The following CCDC150 variants were observed in gnomAD, a reference collection of about 807,000 sequenced individuals.
The protein encoded by CCDC150 is coiled-coil domain containing 150.
Under a neutral mutation model 156.5 loss-of-function variants are expected in CCDC150, and 151 were observed. The observed-to-expected ratio is 0.97, with a 90% CI of 0.85 to 1.10. The LOEUF is 1.10. Among genes scored for constraint, CCDC150 ranks in the 50% least tolerant of loss-of-function variants. The pLI is 0.00. For missense variants in CCDC150, 1,312 were observed against 1,268.1 expected (o/e 1.03, Z -0.53); for synonymous variants, 452 against 429.4 (o/e 1.05, Z -0.65).
chr2:196,721,353 C>CATATATATATATAT lies in CCDC150; in HGVS notation c.2260-166_2260-153dup, dbSNP rs1199770615. ...GAGTTCTCATTCATATATGTGTGTG[C>CATATATATATATAT]ATATATATATATATATTTTCCAGGC... On this transcript the variant is annotated intron_variant, in intron 20 of 27. Transcript: ENST00000389175. 2.1e-4 allele frequency among the ~76,000 whole-genome samples: 28 copies of CATATATATATATAT among 133,166 alleles called. 5 individuals are homozygous for CATATATATATATAT. The East Asian group carries it at 2.7e-3, about 13-fold the overall frequency. The allele number at this position is 133,166 out of a possible 152,430, so 87.4% of individuals were successfully genotyped here.
At chr2:196,706,632 T>C (rs1696664661) in intron 15 of CCDC150, among the ~76,000 whole-genome samples, 1 of 152,256 alleles carries the variant, frequency 6.6e-6, no homozygotes, top group Non-Finnish European at 1.5e-5. Context: ...CCATTCAGTA[T>C]GATATTGGCT....
rs562654315 is a variant in CCDC150 at position 196,703,302 on chromosome 2, C to T, written c.1695+2122C>T. The stretch of plus-strand genomic sequence containing the variant: ...AATAGCAGGCCATCTAAAAGGTAGT[C>T]GATAAGCCATGCTTGCGGAACAATA... On this transcript the variant is annotated intron_variant, in intron 15 of 27. Transcript: ENST00000389175. Among the ~76,000 whole-genome samples, 311 of 152,132 alleles carry T rather than the reference C, an allele frequency of 2.0e-3. 3 individuals are homozygous for T. The highest frequency in any genetic ancestry group is 0.018 in the Admixed American group (273 of 15,280).
rs187124338 is a variant in CCDC150, at chr2:196,646,255, A to G, written c.13-86A>G. The G allele has an allele frequency of 5.4e-5, 68 of 1,257,100 alleles. No individual in the cohort carries two copies. In the African/African-American group the frequency reaches 9.8e-4, roughly 18 times the overall value. 77.9% of individuals were successfully genotyped at this position (1,257,100 alleles called of 1,614,324 possible). On this transcript the variant is annotated intron_variant, in intron 1 of 27. Transcript: ENST00000389175. ...CATTCCTGAGTTCAACAGGACAGTG[A>G]TGCCTAATCCTGGCACAGGAATGGC...
At chr2:196,675,161 T>C (rs1444560882) in intron 10 of CCDC150, among the ~76,000 whole-genome samples, 1 of 152,118 alleles carries the variant, frequency 6.6e-6, no homozygotes, top group Non-Finnish European at 1.5e-5. Flanking sequence ...CACTGTGAGC[T>C]CTCTAGAGGC....
chr2:196,719,672 T>C lies in CCDC150; in HGVS notation c.2165+6T>C. 1 of 1,594,734 alleles carries C rather than the reference T, an allele frequency of 6.3e-7. No homozygotes were observed. Among genetic ancestry groups the C allele is most frequent in the Non-Finnish European group, 8.5e-7 (1 of 1,171,466 alleles). On this transcript the variant is annotated splice_donor_region_variant and intron_variant, in intron 19 of 27. Transcript: ENST00000389175. Reference sequence around the variant, plus strand: ...GCAGGCCTCAAGAAAGAAAGGTACCTGTGGTTTTTTTTCCCTGTCATTGGT... The same window carrying C: ...GCAGGCCTCAAGAAAGAAAGGTACCCGTGGTTTTTTTTCCCTGTCATTGGT...
rs759008033 is a variant in CCDC150 at position 196,732,018 on chromosome 2, T to C, written c.3070-15T>C. 6.2e-7 allele frequency: 1 copy of C among 1,611,770 alleles called. No individual in the cohort carries two copies. Among genetic ancestry groups the C allele is most frequent in the Non-Finnish European group, 8.5e-7 (1 of 1,178,678 alleles). ...CTTTCTTTGTGTCTTTTAATGGTGA[T>C]ATTTATATGTTCAGATAACAGCTAA... On this transcript the variant is annotated splice_polypyrimidine_tract_variant and intron_variant, in intron 26 of 27. Transcript: ENST00000389175.
chr2:196,643,568 C>T (rs1692363009), intron 1 of CCDC150, among the ~76,000 whole-genome samples: 1 of 152,228 alleles, frequency 6.6e-6, no homozygotes. Context: ...TGAACAATTA[C>T]ATGAAAAAAT....
intron 15 of CCDC150, among the ~76,000 whole-genome samples, chr2:196,704,553 G>T (rs1157760184): frequency 6.6e-6 from 1 of 151,910 alleles, no homozygotes; most frequent in Non-Finnish European, 1.5e-5. Flanking sequence ...TTTAAAATCA[G>T]TATTTTTTTA....
At chr2:196,728,515 G>T (rs1321079622) in intron 22 of CCDC150, among the ~76,000 whole-genome samples, 1 of 152,170 alleles carries the variant, frequency 6.6e-6, no homozygotes, top group Non-Finnish European at 1.5e-5. Flanking sequence ...GGGCATATTA[G>T]AAGGCGTGAA....
chr2:196,716,379 A>G (rs1318914156), intron 17 of CCDC150, among the ~76,000 whole-genome samples: 1 of 152,224 alleles, frequency 6.6e-6, no homozygotes, highest in Non-Finnish European at 1.5e-5. Context: ...AGGTGAATGG[A>G]TAACTAAATT....
chr2:196,665,661 C>T lies in CCDC150; in HGVS notation c.740C>T (p.Thr247Ile). 1 of 1,597,232 alleles carries T rather than the reference C, an allele frequency of 6.3e-7. No individual in the cohort carries two copies. The highest frequency in any genetic ancestry group is 2.3e-5 in the East Asian group (1 of 44,246). Reference sequence around the variant, plus strand: ...CTCAAAATACAAGAAATGGGATCAACAGTGGAGGTAGAACGAAAACAGGTA... The same window carrying T: ...CTCAAAATACAAGAAATGGGATCAATAGTGGAGGTAGAACGAAAACAGGTA... Reference protein sequence around the residue: ...MLLKIQEMGSTVEVERKQVHI... With the variant: ...MLLKIQEMGSIVEVERKQVHI... The change falls in exon 6 of 28, where the codon ACA (threonine) becomes ATA (isoleucine). Residue 247 changes from threonine to isoleucine, a missense_variant. Thr to Ile is a moderately conservative substitution (Grantham distance 89). Coordinates refer to ENST00000389175, the MANE Select transcript of CCDC150 (RefSeq NM_001080539.2).
chr2:196,719,107 ACAGTCTTTTTTTC>A (rs1336012789), intron 18 of CCDC150, among the ~76,000 whole-genome samples: 3 of 152,118 alleles, frequency 2.0e-5, no homozygotes, highest in Admixed American at 6.5e-5. Context: ...ACTTTCTCTT[ACAGTCTTTTTTTC>A]TCAGATAATT....
intron 25 of CCDC150, among the ~76,000 whole-genome samples, chr2:196,730,467 C>G (rs1356856738): frequency 6.6e-6 from 1 of 152,168 alleles, no homozygotes; most frequent in Non-Finnish European, 1.5e-5. Context: ...ACACCTGTTG[C>G]TATTACAGGA....
At chr2:196,646,164 G>T (rs1023385754) in intron 1 of CCDC150, among the ~76,000 whole-genome samples, 177 bp from the exon 2 acceptor site, 17 of 152,132 alleles carry the variant, frequency 1.1e-4, no homozygotes, top group African/African-American at 3.9e-4. Context: ...AGAGAGAGAT[G>T]GTGAAGAACA....
chr2:196,654,211 A>G (rs2125580442), intron 2 of CCDC150, among the ~76,000 whole-genome samples: 1 of 152,240 alleles, frequency 6.6e-6, no homozygotes, highest in Middle Eastern at 3.4e-3. Flanking sequence ...GTGTCTAAGT[A>G]TGGGACTATG....
intron 26 of CCDC150, among the ~76,000 whole-genome samples, chr2:196,731,201 T>G (rs1276435466): frequency 6.6e-6 from 1 of 152,074 alleles, no homozygotes; most frequent in Non-Finnish European, 1.5e-5. Flanking sequence ...CCCTATTAAA[T>G]ATAAGGAAAG....
intron 19 of CCDC150, chr2:196,720,298 T>A: frequency 2.5e-6 from 1 of 397,748 alleles, no homozygotes; most frequent in Non-Finnish European, 4.8e-6. Flanking sequence ...AGTATGAAAG[T>A]ATATTGCCTT....
chr2:196,704,896 G>A (rs1438028626), intron 15 of CCDC150, among the ~76,000 whole-genome samples: 1 of 152,030 alleles, frequency 6.6e-6, no homozygotes, highest in Non-Finnish European at 1.5e-5. Context: ...TTTTTTTATG[G>A]CTGCATAGTA....
intron 2 of CCDC150, among the ~76,000 whole-genome samples, chr2:196,652,061 A>G (rs187734287): frequency 3.3e-5 from 5 of 152,290 alleles, no homozygotes; most frequent in South Asian, 4.1e-4. Context: ...ATCTGCCCCT[A>G]TGACCTAACA....
Sources: gnomAD v4.1 joint callset for allele counts (sites outside exome capture counted in the v4.1 genomes callset) on GRCh38, gnomAD v4.1.1 for gene constraint, MANE v1.5 for transcripts, NCBI Gene and HGNC (gene_info 2026-07-23, HGNC 2026-07-21) for gene names.